ITGA8: variants seen among roughly 807,000 people sequenced by gnomAD.
ITGA8 encodes integrin alpha-8.
Under a neutral mutation model 142.3 loss-of-function variants are expected in ITGA8, and 91 were observed. The observed-to-expected ratio is 0.64, with a 90% CI of 0.54 to 0.76. The LOEUF is 0.76. Ranked by LOEUF, ITGA8 falls within the 30% of genes least tolerant of loss-of-function variation. The pLI is 0.00. For synonymous variants in ITGA8, 505 were observed against 485.2 expected, an observed-to-expected ratio of 1.04 and a Z score of -0.54; for missense variants, 1,406 against 1,327.7, an observed-to-expected ratio of 1.06 and a Z score of -0.92.
rs1833356670 is a variant in ITGA8 at position 15,614,390 on chromosome 10, C to T, written c.1446-623G>A. 3.9e-5 allele frequency among the ~76,000 whole-genome samples: 6 copies of T among 152,228 alleles called. No homozygotes were observed. The South Asian group carries it at 1.2e-3, about 32-fold the overall frequency. ...TGTAATCACCTAAAGAGCTTTAAAACAAATTCTATGCCCAGGCCCTGCCAC... is the reference window on the plus strand; with the variant it reads ...TGTAATCACCTAAAGAGCTTTAAAATAAATTCTATGCCCAGGCCCTGCCAC... On this transcript the variant is annotated intron_variant, in intron 14 of 29. Coordinates refer to ENST00000378076, the MANE Select transcript of ITGA8 (RefSeq NM_003638.3).
chr10:15,525,308 A>G (rs1833150296), intron 28 of ITGA8, among the ~76,000 whole-genome samples: 1 of 152,178 alleles, frequency 6.6e-6, no homozygotes, highest in African/African-American at 2.4e-5. Context: ...AATACAATGC[A>G]AGCCACAAGC....
chr10:15,659,387 G>C (rs9333125), intron 9 of ITGA8, among the ~76,000 whole-genome samples: 14,893 of 152,212 alleles, frequency 0.098, 924 homozygotes, highest in East Asian at 0.29. Context: ...ATCCATTTCT[G>C]TTCTTATTCT....
intron 24 of ITGA8, among the ~76,000 whole-genome samples, chr10:15,575,084 T>C (rs1834258936): frequency 6.6e-6 from 1 of 152,152 alleles, no homozygotes; most frequent in African/African-American, 2.4e-5. Context: ...CTAGGCAGTA[T>C]ATACAGCTCG....
intron 23 of ITGA8, among the ~76,000 whole-genome samples, chr10:15,582,714 T>TA (rs1834431832): frequency 6.6e-6 from 1 of 152,192 alleles, no homozygotes; most frequent in South Asian, 2.1e-4. Flanking sequence ...AAATGAAAAC[T>TA]AAAAACTCAG....
intron 15 of ITGA8, 52 bp from the exon 16 acceptor site, chr10:15,608,342 A>G (rs1479571061): frequency 7.7e-6 from 9 of 1,163,886 alleles, no homozygotes; most frequent in Non-Finnish European, 1.1e-5. Flanking sequence ...AATCTAAAGT[A>G]GAAGCCTTCC....
In ITGA8 at chr10:15,677,641, C is replaced by A; in HGVS notation, c.631-4G>T. 6.2e-7 allele frequency: 1 copy of A among 1,612,216 alleles called. No homozygotes were observed. On this transcript the variant is annotated splice_polypyrimidine_tract_variant and splice_region_variant and intron_variant, in intron 5 of 29. Coordinates refer to ENST00000378076, the MANE Select transcript of ITGA8 (RefSeq NM_003638.3). ...CTCCCACAATAAGGTCTCCATTCTA[C>A]AAAACAGAAACAGCAACAGCAACCA...
At chr10:15,627,498 G>A (rs182068725) in intron 13 of ITGA8, among the ~76,000 whole-genome samples, 2 of 152,148 alleles carry the variant, frequency 1.3e-5, no homozygotes, top group African/African-American at 2.4e-5. Context: ...GCAGGAAAAC[G>A]TCAGTAAGAA....
At chr10:15,598,532 A>G (rs1315847574) in intron 20 of ITGA8, among the ~76,000 whole-genome samples, 1 of 152,228 alleles carries the variant, frequency 6.6e-6, no homozygotes, top group African/African-American at 2.4e-5. Flanking sequence ...ACACACTTTG[A>G]GAATATAAGC....
At chr10:15,659,256 G>C (rs951518280) in intron 9 of ITGA8, among the ~76,000 whole-genome samples, 1 of 151,974 alleles carries the variant, frequency 6.6e-6, no homozygotes, top group Non-Finnish European at 1.5e-5. Context: ...GGTTAAGTCT[G>C]GGATGCTTTC....
At chr10:15,584,201 G>A (rs924324034) in intron 23 of ITGA8, among the ~76,000 whole-genome samples, 2 of 152,180 alleles carry the variant, frequency 1.3e-5, no homozygotes, top group African/African-American at 2.4e-5. Flanking sequence ...GGAGGCTGAG[G>A]TAGGAGAATC....
At chr10:15,604,657 T>C (rs917533944) in intron 19 of ITGA8, among the ~76,000 whole-genome samples, 1 of 151,638 alleles carries the variant, frequency 6.6e-6, no homozygotes, top group African/African-American at 2.4e-5. Flanking sequence ...ACCGTGGTCA[T>C]TTTCAAGCTA....
In ITGA8 at chr10:15,672,664, C is replaced by T; in HGVS notation, c.762G>A (p.Gln254=). 6.2e-7 allele frequency: 1 copy of T among 1,613,868 alleles called. No individual in the cohort carries two copies. Among genetic ancestry groups the T allele is most frequent in the Non-Finnish European group, 8.5e-7 (1 of 1,179,860 alleles). The stretch of plus-strand genomic sequence containing the variant: ...CATAGGAAGCTGGAGCCACTTCCGT[C>T]TGCTTTTCTCCTGCCAGTTTCCTGA... ...DILRKLAGEK[Q]TEVAPASYDD... is the part of the protein sequence containing the mutation. Residue 254 remains glutamine (Q), a synonymous_variant, in exon 7 of 30, where the codon CAG becomes CAA. Coordinates refer to ENST00000378076, the MANE Select transcript of ITGA8 (RefSeq NM_003638.3).
intron 2 of ITGA8, among the ~76,000 whole-genome samples, chr10:15,691,898 A>T (rs188790231): frequency 1.8e-4 from 28 of 152,296 alleles, no homozygotes; most frequent in African/African-American, 6.7e-4. Context: ...TTATTTCCCA[A>T]TGTATAAATA....
intron 23 of ITGA8, among the ~76,000 whole-genome samples, chr10:15,581,018 G>T (rs962077628): frequency 6.6e-6 from 1 of 152,222 alleles, no homozygotes; most frequent in Non-Finnish European, 1.5e-5. Flanking sequence ...CTCAGCTTCT[G>T]GGGGGTAATG....
intron 28 of ITGA8, among the ~76,000 whole-genome samples, chr10:15,525,645 C>CA (rs374326483): frequency 0.18 from 11,608 of 63,692 alleles, 1,901 homozygotes; most frequent in African/African-American, 0.39. Context: ...AACTCCATCT[C>CA]AAAAAAAAAA....
chr10:15,676,898 A>G (rs1834640362), intron 6 of ITGA8, among the ~76,000 whole-genome samples: 1 of 152,096 alleles, frequency 6.6e-6, no homozygotes, highest in Admixed American at 6.5e-5. Flanking sequence ...ATTACCAGCT[A>G]CTCAGGAAGC....
intron 23 of ITGA8, among the ~76,000 whole-genome samples, chr10:15,580,241 A>G (rs1834383940): frequency 6.6e-6 from 1 of 151,970 alleles, no homozygotes; most frequent in Admixed American, 6.6e-5. Flanking sequence ...ATGAGAGAAT[A>G]TTGTGAACAA....
At chr10:15,719,520 C>T (rs996346836) in intron 1 of ITGA8, 43 bp downstream of exon 1, 2 of 1,482,108 alleles carry the variant, frequency 1.3e-6, no homozygotes, top group South Asian at 1.3e-5. Flanking sequence ...GACCCGGGAG[C>T]GCCTTCGTCC....
At chr10:15,628,715 C>T (rs541850101) in intron 13 of ITGA8, among the ~76,000 whole-genome samples, 8 of 151,928 alleles carry the variant, frequency 5.3e-5, no homozygotes, top group Admixed American at 2.0e-4. Flanking sequence ...ACACTACCTC[C>T]GTTTGGCCAG....
Sources: gnomAD v4.1 joint callset for allele counts (sites outside exome capture counted in the v4.1 genomes callset) on GRCh38, gnomAD v4.1.1 for gene constraint, MANE v1.5 for transcripts, NCBI Gene and HGNC (gene_info 2026-07-23, HGNC 2026-07-21) for gene names.